The following NRG3 variants were observed in gnomAD, a reference collection of about 807,000 sequenced individuals.
The protein encoded by NRG3 is pro-neuregulin-3, membrane-bound isoform.
In NRG3, 31 loss-of-function variants were observed where a neutral mutation model predicts 66.9. That is an observed-to-expected ratio of 0.46 (90% CI 0.35 to 0.63). The LOEUF is 0.63. NRG3 is among the 20% of genes least tolerant of loss of function. The pLI is 0.00. For synonymous variants in NRG3, 393 were observed against 359.4 expected, an observed-to-expected ratio of 1.09 and a Z score of -1.06; for missense variants, 910 against 878.9, an observed-to-expected ratio of 1.04 and a Z score of -0.45.
intron 1 of NRG3, among the ~76,000 whole-genome samples, chr10:81,938,411 T>G: frequency 6.7e-6 from 1 of 150,068 alleles, no homozygotes; most frequent in African/African-American, 2.5e-5. Flanking sequence ...TTTCCAGCAA[T>G]GTCTTATAGC....
chr10:82,734,589 T>A (rs950046524), intron 2 of NRG3, among the ~76,000 whole-genome samples: 2 of 152,104 alleles, frequency 1.3e-5, no homozygotes, highest in African/African-American at 4.8e-5. Context: ...TCTCTCTTAT[T>A]CTGTGTTTTC....
chr10:82,753,223 A>T (rs1162294687), intron 3 of NRG3, among the ~76,000 whole-genome samples: 1 of 152,128 alleles, frequency 6.6e-6, no homozygotes, highest in East Asian at 1.9e-4. Flanking sequence ...ATTCATTTTT[A>T]AATTTAATTC....
At chr10:82,732,335 AT>A (rs577453588) in intron 2 of NRG3, among the ~76,000 whole-genome samples, 1,535 of 152,270 alleles carry the variant, frequency 0.01, 24 homozygotes, top group African/African-American at 0.035. Flanking sequence ...TAGGTCTTTC[AT>A]TTTTAAAATA....
chr10:82,893,566 T>G (rs1843372713), intron 4 of NRG3, among the ~76,000 whole-genome samples: 1 of 152,098 alleles, frequency 6.6e-6, no homozygotes, highest in African/African-American at 2.4e-5. Flanking sequence ...CGTGTGCCTG[T>G]AATCCCAGTT....
chr10:82,696,918 T>C (rs2055430245), intron 2 of NRG3, among the ~76,000 whole-genome samples: 1 of 152,226 alleles, frequency 6.6e-6, no homozygotes. Context: ...CTGTTTATGA[T>C]TTAATCTATG....
chr10:82,823,755 T>C (rs1214840296), intron 3 of NRG3, among the ~76,000 whole-genome samples: 1 of 152,166 alleles, frequency 6.6e-6, no homozygotes, highest in Non-Finnish European at 1.5e-5. Flanking sequence ...ATCTTCAGAG[T>C]AACCCCAGGG....
chr10:82,186,048 C>T (rs1216950632), intron 1 of NRG3, among the ~76,000 whole-genome samples: 1 of 152,100 alleles, frequency 6.6e-6, no homozygotes, highest in Non-Finnish European at 1.5e-5. Context: ...CTTATCATTT[C>T]ATGTCTAAGT....
rs115246053 is a variant in NRG3 at position 82,790,484 on chromosome 10, C to T, written c.1027+51834C>T. ...AATCATATGCGATGACTCCTTTTTT[C>T]GATACCTTTACAATTCTCTCATTGT... On this transcript the variant is annotated intron_variant, in intron 3 of 8. Coordinates refer to ENST00000372141, the MANE Select transcript of NRG3 (RefSeq NM_001010848.4). Among the ~76,000 whole-genome samples the T allele has an allele frequency of 6.9e-3, 1,054 of 151,978 alleles. 13 individuals carry two copies. The highest frequency in any genetic ancestry group is 0.024 in the African/African-American group (1,013 of 41,480).
chr10:82,963,314 A>T (rs986844772), intron 6 of NRG3, among the ~76,000 whole-genome samples: 3 of 152,220 alleles, frequency 2.0e-5, no homozygotes, highest in Non-Finnish European at 4.4e-5. Flanking sequence ...CCCTAAATAC[A>T]TGCTCCCATC....
intron 3 of NRG3, among the ~76,000 whole-genome samples, chr10:82,790,728 A>G (rs1240812279): frequency 6.6e-6 from 1 of 151,984 alleles, no homozygotes; most frequent in East Asian, 1.9e-4. Flanking sequence ...GATTGATGGT[A>G]CCACATAGTC....
At chr10:82,244,143 AT>A (rs926405439) in intron 1 of NRG3, among the ~76,000 whole-genome samples, 1 of 151,936 alleles carries the variant, frequency 6.6e-6, no homozygotes, top group South Asian at 2.1e-4. Context: ...CACCATTGTG[AT>A]TTTTTTTCCT....
chr10:82,273,531 G>T (rs2078702545), intron 1 of NRG3, among the ~76,000 whole-genome samples: 1 of 151,846 alleles, frequency 6.6e-6, no homozygotes, highest in African/African-American at 2.4e-5. Flanking sequence ...ATTTTAATGG[G>T]CCATTTGAAA....
chr10:82,653,662 C>CT (rs1266928923), intron 2 of NRG3, among the ~76,000 whole-genome samples: 2 of 146,768 alleles, frequency 1.4e-5, no homozygotes, highest in African/African-American at 5.0e-5. Context: ...AAAAAAAAAA[C>CT]AAAGGTGGTG....
chr10:82,294,108 A>G (rs904728206), intron 1 of NRG3, among the ~76,000 whole-genome samples: 1 of 152,066 alleles, frequency 6.6e-6, no homozygotes, highest in African/African-American at 2.4e-5. Context: ...TAAGGGATTT[A>G]CTCAAAAAGA....
chr10:82,500,118 T>C lies in NRG3; in HGVS notation c.953+141250T>C, dbSNP rs181512474. Among the ~76,000 whole-genome samples the C allele has an allele frequency of 4.6e-5, 7 of 152,272 alleles. No homozygotes were observed. The East Asian group carries it at 1.4e-3, about 29-fold the overall frequency. On this transcript the variant is annotated intron_variant, in intron 2 of 8. Coordinates refer to ENST00000372141, the MANE Select transcript of NRG3 (RefSeq NM_001010848.4). The stretch of plus-strand genomic sequence containing the variant: ...GACATATTGAAAAAGGAGAGGCATA[T>C]GCTAGAACTTGGAGGAGGATAGGGA...
At position 82,187,076 on chromosome 10, in the gene NRG3, T is replaced by A. The variant is rs138707925; in HGVS notation, c.824-171663T>A. Among the ~76,000 whole-genome samples the A allele has an allele frequency of 5.6e-3, 852 of 152,254 alleles. 6 individuals carry two copies. The highest frequency in any genetic ancestry group is 8.6e-3 in the Non-Finnish European group (587 of 68,020). ...TTTTTGGTAGATACTTGTAATTGAG[T>A]TTATTTTCATATATTTAGTTTAATG... On this transcript the variant is annotated intron_variant, in intron 1 of 8. Transcript: ENST00000372141.
At chr10:82,284,254 G>A (rs944060985) in intron 1 of NRG3, among the ~76,000 whole-genome samples, 1 of 152,212 alleles carries the variant, frequency 6.6e-6, no homozygotes, top group Non-Finnish European at 1.5e-5. Context: ...GAGATGGAGA[G>A]TTTAATTGTT....
intron 1 of NRG3, among the ~76,000 whole-genome samples, chr10:82,025,918 A>G (rs1228477923): frequency 2.0e-5 from 3 of 151,944 alleles, no homozygotes; most frequent in Non-Finnish European, 4.4e-5. Flanking sequence ...CTGACTTCCA[A>G]TCCTGTTCAG....
intron 1 of NRG3, among the ~76,000 whole-genome samples, chr10:82,289,638 AT>A (rs756609005): frequency 2.0e-5 from 3 of 152,042 alleles, no homozygotes; most frequent in African/African-American, 7.2e-5. Context: ...CAGCCTTTCA[AT>A]TTTTTTGTCA....
Sources: gnomAD v4.1 joint callset for allele counts (sites outside exome capture counted in the v4.1 genomes callset) on GRCh38, gnomAD v4.1.1 for gene constraint, MANE v1.5 for transcripts, NCBI Gene and HGNC (gene_info 2026-07-23, HGNC 2026-07-21) for gene names.